Variants in RYR3 observed in about 807,000 individuals in gnomAD.
RYR3 encodes the protein brain ryanodine receptor-calcium release channel.
RYR3 carries 207 observed loss-of-function variants against 584.3 expected under a neutral mutation model. The observed-to-expected ratio is 0.35, with a 90% CI of 0.32 to 0.40. The LOEUF is 0.40. Among genes scored for constraint, RYR3 ranks in the 10% least tolerant of loss-of-function variants. The pLI, the probability that RYR3 is intolerant of heterozygous loss-of-function variation, is 1.00. For missense variants in RYR3, 5,616 were observed against 6,089.2 expected (o/e 0.92, Z 2.59); for synonymous variants, 2,416 against 2,248.5 (o/e 1.07, Z -2.11).
chr15:33,750,371 T>C, intron 57 of RYR3, 85 bp downstream of exon 57: 8 of 1,364,010 alleles, frequency 5.9e-6, no homozygotes, highest in Non-Finnish European at 8.1e-6. Flanking sequence ...CCCATCCAAG[T>C]AAGGAGAACA....
rs368972337 is a variant in RYR3, at chr15:33,530,661, G to A, written c.349G>A (p.Gly117Arg). 37 of 1,612,262 alleles carry A rather than the reference G, an allele frequency of 2.3e-5. No individual in the cohort carries two copies. Among genetic ancestry groups the A allele is most frequent in the Admixed American group, 6.7e-5 (4 of 59,992 alleles). ...HAVLLRHSFS[G>R]MYLTCLTTSR... ...AGTTCTCCTGAGGCACTCTTTCAGC[G>A]GAATGGTAAGCAGCTCTGGTGCCCA... The change falls in exon 4 of 104, where the codon GGA (glycine) becomes AGA (arginine). Residue 117 changes from glycine to arginine, a missense_variant. This residue lies in a region of RYR3 where 1,284 missense variants were observed against 1,344.6 expected (regional missense o/e 0.95). Coordinates refer to ENST00000634891, the MANE Select transcript of RYR3 (RefSeq NM_001036.6).
chr15:33,446,682 G>A (rs1428646738), intron 1 of RYR3, among the ~76,000 whole-genome samples: 1 of 152,124 alleles, frequency 6.6e-6, no homozygotes, highest in Non-Finnish European at 1.5e-5. Flanking sequence ...TTCCAAATAC[G>A]GTAAATTCTG....
At chr15:33,430,277 G>C (rs1362817458) in intron 1 of RYR3, among the ~76,000 whole-genome samples, 1 of 152,208 alleles carries the variant, frequency 6.6e-6, no homozygotes, top group Non-Finnish European at 1.5e-5. Context: ...TCCCTGATGC[G>C]TTACAGATAA....
chr15:33,694,390 G>A (rs994575551), intron 38 of RYR3, among the ~76,000 whole-genome samples: 13 of 141,494 alleles, frequency 9.2e-5, no homozygotes, highest in East Asian at 4.5e-4. Context: ...GACTACAGGC[G>A]CCCTCCATCA....
chr15:33,336,182 A>C (rs1379904810), intron 1 of RYR3, among the ~76,000 whole-genome samples: 1 of 152,042 alleles, frequency 6.6e-6, no homozygotes, highest in Non-Finnish European at 1.5e-5. Flanking sequence ...CTGTAATCTC[A>C]GCACTTTGGG....
chr15:33,509,136 A>G (rs987100583), intron 3 of RYR3, among the ~76,000 whole-genome samples: 2 of 152,240 alleles, frequency 1.3e-5, no homozygotes, highest in African/African-American at 4.8e-5. Context: ...TTAAAAAAGA[A>G]TTGGCTAACA....
intron 12 of RYR3, among the ~76,000 whole-genome samples, chr15:33,578,723 A>G (rs2058431421): frequency 6.6e-6 from 1 of 151,832 alleles, no homozygotes; most frequent in Non-Finnish European, 1.5e-5. Context: ...ACGTCTGTGT[A>G]ACAAACCTGC....
chr15:33,354,697 A>G (rs1973723831), intron 1 of RYR3, among the ~76,000 whole-genome samples: 1 of 152,164 alleles, frequency 6.6e-6, no homozygotes, highest in South Asian at 2.1e-4. Flanking sequence ...CTCTTTATAA[A>G]ATAAGTACAT....
At chr15:33,554,099 A>C (rs1310134466) in intron 10 of RYR3, among the ~76,000 whole-genome samples, 1 of 152,124 alleles carries the variant, frequency 6.6e-6, no homozygotes, top group Admixed American at 6.5e-5. Context: ...AAACCTGCTC[A>C]TGCATTATTA....
At chr15:33,764,047 A>G (rs1047038435) in intron 60 of RYR3, among the ~76,000 whole-genome samples, 2 of 152,142 alleles carry the variant, frequency 1.3e-5, no homozygotes, top group Non-Finnish European at 2.9e-5. Context: ...TAGAACCAGA[A>G]ATGCCATTTG....
chr15:33,863,589 C>CAAACCTAAGATAT lies in RYR3; in HGVS notation c.14466-548_14466-536dup, dbSNP rs1464993043. 6.6e-5 allele frequency among the ~76,000 whole-genome samples: 10 copies of CAAACCTAAGATAT among 152,276 alleles called. No individual in the cohort carries two copies. In the South Asian group the frequency reaches 1.0e-3, roughly 16 times the overall value. ...GATACTTATGTGTCACAGACAAACT[C>CAAACCTAAGATAT]AAACCTAAGATATGGATCACAGAGC... On this transcript the variant is annotated intron_variant, in intron 102 of 103. Transcript: ENST00000634891.
intron 62 of RYR3, among the ~76,000 whole-genome samples, chr15:33,770,257 G>A (rs909871373): frequency 2.0e-5 from 3 of 152,158 alleles, no homozygotes; most frequent in Non-Finnish European, 4.4e-5. Flanking sequence ...AATCCACAAT[G>A]AACTGAGAAT....
intron 16 of RYR3, among the ~76,000 whole-genome samples, chr15:33,598,164 CTGCAATAACT>C (rs2059467575): frequency 7.0e-6 from 1 of 143,266 alleles, no homozygotes; most frequent in Admixed American, 7.0e-5. Context: ...GTAGCCTCTG[CTGCAATAACT>C]ATTTTAATTA....
chr15:33,453,973 C>T (rs979872325), intron 1 of RYR3, among the ~76,000 whole-genome samples: 4 of 152,148 alleles, frequency 2.6e-5, no homozygotes, highest in African/African-American at 7.2e-5. Flanking sequence ...TTGTTGAATT[C>T]TTGCCAGGTT....
Position 33,841,883 on chromosome 15 carries a change from GAAGACA to G in RYR3, c.13068_13073del (p.Asp4356_Lys4357del), listed in dbSNP as rs1418509010. ...CTGCAGCATGGAAGATGGAGAGAAGGAAGACAAAGACAAAGAAGAGGAGCAAGCTGA... is the reference window on the plus strand; with the variant it reads ...CTGCAGCATGGAAGATGGAGAGAAGGAAGACAAAGAAGAGGAGCAAGCTGA... On this transcript the variant is annotated inframe_deletion, in exon 91 of 104. Coordinates refer to ENST00000634891, the MANE Select transcript of RYR3 (RefSeq NM_001036.6). The G allele has an allele frequency of 8.8e-6, 14 of 1,595,440 alleles. No homozygotes were observed. The highest frequency in any genetic ancestry group is 2.7e-5 in the African/African-American group (2 of 74,524).
Position 33,859,664 on chromosome 15 carries a change from G to C in RYR3, c.14232G>C (p.Met4744Ile), listed in dbSNP as rs199573561. 6.2e-7 allele frequency: 1 copy of C among 1,613,848 alleles called. No individual in the cohort carries two copies. The highest frequency in any genetic ancestry group is 1.1e-5 in the South Asian group (1 of 91,066). The change falls in exon 100 of 104, where the codon ATG becomes ATC. Residue 4744 changes from methionine to isoleucine, a missense_variant. Coordinates refer to ENST00000634891, the MANE Select transcript of RYR3 (RefSeq NM_001036.6). ...IEDPAGDPYE[M>I]YRIVFDITFF... The stretch of plus-strand genomic sequence containing the variant: ...ACCCTGCTGGTGATCCTTATGAAAT[G>C]TATCGCATTGTCTTTGACATTACCT...
chr15:33,470,602 C>G (rs1484299004), intron 1 of RYR3, among the ~76,000 whole-genome samples: 1 of 152,104 alleles, frequency 6.6e-6, no homozygotes, highest in African/African-American at 2.4e-5. Context: ...GAAAATGGGT[C>G]TGTAAAGGTG....
chr15:33,831,512 A>G (rs2077675030), intron 86 of RYR3, among the ~76,000 whole-genome samples: 1 of 152,256 alleles, frequency 6.6e-6, no homozygotes, highest in African/African-American at 2.4e-5. Flanking sequence ...CTTGATGGAG[A>G]TTAAAAACAG....
At chr15:33,856,227 T>A (rs1194734659) in intron 98 of RYR3, 1 of 152,304 alleles carries the variant, frequency 6.6e-6, no homozygotes, top group Non-Finnish European at 1.5e-5. Context: ...CTGCTTTCTG[T>A]GAGGTCTGCT....
Sources: gnomAD v4.1 joint callset for allele counts (sites outside exome capture counted in the v4.1 genomes callset) on GRCh38, gnomAD v4.1.1 for gene constraint, gnomAD v4.1.1 regional missense constraint, MANE v1.5 for transcripts, NCBI Gene and HGNC (gene_info 2026-07-23, HGNC 2026-07-21) for gene names.